Variants in SRP19 observed in about 807,000 individuals in gnomAD.
SRP19 encodes the protein signal recognition particle 19.
A neutral mutation model predicts 22.4 loss-of-function variants in SRP19; 11 were observed. The ratio of observed to expected loss-of-function variants is 0.49; its 90% confidence interval spans 0.31 to 0.81. SRP19 has a LOEUF of 0.81. SRP19 is among the 40% of genes least tolerant of loss of function. The pLI is 0.05. For missense variants in SRP19, 168 were observed against 175.9 expected, an observed-to-expected ratio of 0.96 and a Z score of 0.25; for synonymous variants, 61 against 57.6, an observed-to-expected ratio of 1.06 and a Z score of -0.27.
chr5:112,867,238 G>C lies in SRP19; in HGVS notation c.302-166G>C, dbSNP rs992995121. Reference sequence around the variant, plus strand: ...TTCTCACTCTCAGTACATTTCCCCCGACTTGAGCTAGTCAGTGTCTTCAGT... The same window carrying C: ...TTCTCACTCTCAGTACATTTCCCCCCACTTGAGCTAGTCAGTGTCTTCAGT... On this transcript the variant is annotated intron_variant, in intron 4 of 4. Transcript: ENST00000505459. 4 of 676,392 alleles carry C rather than the reference G, an allele frequency of 5.9e-6. No individual in the cohort carries two copies. In the East Asian group the frequency reaches 1.1e-4, roughly 19 times the overall value. The allele number at this position is 676,392 out of a possible 1,614,324, so 41.9% of individuals were successfully genotyped here.
chr5:112,893,683 A>G (rs1446193155), downstream of SRP19: 1 of 152,496 alleles, frequency 6.6e-6, no homozygotes, highest in African/African-American at 2.4e-5. Context: ...ACACATGGAT[A>G]GTAATGCTAC....
At chr5:112,862,046 T>C (rs1348912366) in intron 1 of SRP19, among the ~76,000 whole-genome samples, 1 of 152,240 alleles carries the variant, frequency 6.6e-6, no homozygotes, top group Non-Finnish European at 1.5e-5. Flanking sequence ...ATACTTGTTA[T>C]CTGTTGAGTG....
chr5:112,867,501 G>A lies in SRP19; in HGVS notation c.399G>A (p.Glu133=). Residue 133 remains glutamate, a synonymous_variant, in exon 5 of 5, where the codon GAG becomes GAA. Transcript: ENST00000505459. Reference sequence around the variant, plus strand: ...CTGACCAAAGTCTTCAACAAGGAGAGGGAAGTAAAAAAGGGAAAGGAAAGA... The same window carrying A: ...CTGACCAAAGTCTTCAACAAGGAGAAGGAAGTAAAAAAGGGAAAGGAAAGA... ...GGADQSLQQG[E]GSKKGKGKKK... The A allele has an allele frequency of 6.2e-7, 1 of 1,613,020 alleles. No homozygotes were observed. The highest frequency in any genetic ancestry group is 8.5e-7 in the Non-Finnish European group (1 of 1,179,760).
chr5:112,878,560 A>G (rs1196383808), intron 4 of SRP19: 11 of 542,758 alleles, frequency 2.0e-5, no homozygotes, highest in Non-Finnish European at 3.4e-5. Flanking sequence ...GGCAAAATAC[A>G]TTTTCCAAAA....
chr5:112,878,959 C>G, intron 4 of SRP19: 1 of 1,456,486 alleles, frequency 6.9e-7, no homozygotes, highest in Non-Finnish European at 9.4e-7. Context: ...TGTTCAGGTG[C>G]GATCATGTTG....
At chr5:112,891,188 T>A (rs180957535) in intron 4 of SRP19, among the ~76,000 whole-genome samples, 1 of 142,048 alleles carries the variant, frequency 7.0e-6, no homozygotes, top group African/African-American at 2.9e-5. Flanking sequence ...TTCTCCTGCC[T>A]CAGCCTCCCA....
chr5:112,892,815 C>T (rs764908527), exon 5 of SRP19: 2 of 1,613,690 alleles, frequency 1.2e-6, no homozygotes, highest in Non-Finnish European at 1.7e-6. Flanking sequence ...GTCCAGACCA[C>T]ACCTACAAAA....
chr5:112,882,453 T>A (rs1368282435), intron 4 of SRP19, among the ~76,000 whole-genome samples: 1 of 152,236 alleles, frequency 6.6e-6, no homozygotes, highest in African/African-American at 2.4e-5. Flanking sequence ...ACTTCATAGT[T>A]CTTGCTGGAA....
intron 4 of SRP19, chr5:112,877,816 A>AAAG (rs1271701041): frequency 3.9e-5 from 6 of 152,228 alleles, no homozygotes; most frequent in Non-Finnish European, 7.3e-5. Context: ...CTGGTTTAAA[A>AAAG]AAGAAGATTG....
rs1767712053 is a variant in SRP19, at chr5:112,869,612, T to G, written c.*2075T>G. 6.6e-6 allele frequency: 1 copy of G among 152,250 alleles called. No homozygotes were observed. The allele number at this position is 152,250 out of a possible 1,614,324, so 9.4% of individuals were successfully genotyped here. On this transcript the variant is annotated 3_prime_UTR_variant, in exon 5 of 5. Coordinates refer to ENST00000505459, the MANE Select transcript of SRP19 (RefSeq NM_003135.3). ...TTTGGCTGCTACCCAACCCAAAATC[T>G]CATCTTGAATTATAATCCCCAAATC... is the stretch of plus-strand genomic sequence containing the variant.
downstream of SRP19, among the ~76,000 whole-genome samples, chr5:112,870,008 A>G (rs534958028): frequency 3.3e-4 from 51 of 152,340 alleles, no homozygotes; most frequent in African/African-American, 1.1e-3. Context: ...AAATAGAACA[A>G]TTATAATAAT....
chr5:112,871,224 C>G (rs2150029227), downstream of SRP19, among the ~76,000 whole-genome samples: 1 of 143,894 alleles, frequency 6.9e-6, no homozygotes, highest in East Asian at 2.0e-4. Context: ...CACATTATTG[C>G]AATTGGTGCA....
chr5:112,871,754 G>A (rs1023973078), downstream of SRP19, among the ~76,000 whole-genome samples: 46 of 152,072 alleles, frequency 3.0e-4, no homozygotes, highest in Non-Finnish European at 6.0e-4. Context: ...GTGAAACTCC[G>A]TCTCAAAAAA....
At position 112,867,685 on chromosome 5, in the gene SRP19, G is replaced by C. The variant is rs1767652679; in HGVS notation, c.*148G>C. On this transcript the variant is annotated 3_prime_UTR_variant, in exon 5 of 5. Transcript: ENST00000505459. Reference sequence around the variant, plus strand: ...GCCTCTCATCTTTATCATCGGAGTTGACAGTGAAACAAATTTACATCAGAA... The same window carrying C: ...GCCTCTCATCTTTATCATCGGAGTTCACAGTGAAACAAATTTACATCAGAA... The C allele has an allele frequency of 7.4e-7, 1 of 1,356,958 alleles. No homozygotes were observed. The highest frequency in any genetic ancestry group is 1.5e-5 in the African/African-American group (1 of 68,728). 84.1% of individuals were successfully genotyped at this position (1,356,958 alleles called of 1,614,324 possible).
chr5:112,879,942 A>T (rs943999629), intron 4 of SRP19, among the ~76,000 whole-genome samples: 4 of 151,906 alleles, frequency 2.6e-5, no homozygotes, highest in African/African-American at 7.2e-5. Flanking sequence ...AAAAAATTTT[A>T]AAAGCCCATC....
chr5:112,885,952 G>A (rs1439152309), intron 4 of SRP19, among the ~76,000 whole-genome samples: 4 of 152,188 alleles, frequency 2.6e-5, no homozygotes, highest in Admixed American at 6.5e-5. Flanking sequence ...GCCACTGCCC[G>A]AAGCCATCTT....
intron 4 of SRP19, chr5:112,877,255 T>A (rs570914184): frequency 1.3e-5 from 2 of 152,190 alleles, no homozygotes; most frequent in South Asian, 4.1e-4. Flanking sequence ...CATGAGACAT[T>A]GTTATGATCT....
At chr5:112,873,681 A>G (rs1477075101), downstream of SRP19, among the ~76,000 whole-genome samples, 1 of 152,006 alleles carries the variant, frequency 6.6e-6, no homozygotes, top group African/African-American at 2.4e-5. Context: ...TGTCATCTGC[A>G]TGTTCCCTTT....
exon 4 of SRP19, chr5:112,898,205 G>C (rs1003123456): frequency 6.6e-6 from 1 of 152,234 alleles, no homozygotes; most frequent in African/African-American, 2.4e-5. Context: ...CTACAGACGA[G>C]ACTCTGCAAT....
Sources: gnomAD v4.1 joint callset for allele counts (sites outside exome capture counted in the v4.1 genomes callset) on GRCh38, gnomAD v4.1.1 for gene constraint, MANE v1.5 for transcripts, NCBI Gene and HGNC (gene_info 2026-07-23, HGNC 2026-07-21) for gene names.